CEP57L1: variants seen among roughly 807,000 people sequenced by gnomAD.
CEP57L1 encodes centrosomal protein CEP57L1.
In CEP57L1, 37 loss-of-function variants were observed where a neutral mutation model predicts 61.0. The observed-to-expected ratio is 0.61, with a 90% CI of 0.47 to 0.80. The LOEUF is 0.80. CEP57L1 is among the 30% of genes least tolerant of loss of function. CEP57L1 has a pLI of 0.00. For synonymous variants in CEP57L1, 137 were observed against 162.3 expected (o/e 0.84, Z 1.19); for missense variants, 422 against 524.7 (o/e 0.80, Z 1.91).
rs554374904 is a variant in CEP57L1, at chr6:109,126,802, A to G, written c.-3-18417A>G. Among the ~76,000 whole-genome samples the G allele has an allele frequency of 3.1e-4, 47 of 152,366 alleles. 2 individuals are homozygous for G. In the East Asian group the frequency reaches 8.7e-3, roughly 28 times the overall value. On this transcript the variant is annotated intron_variant, in intron 1 of 10. Transcript: ENST00000517392. Reference sequence around the variant, plus strand: ...GTATTGAGTTGAATTAACTGTGCACATGAACAATTAGATGCTATATTATAA... The same window carrying G: ...GTATTGAGTTGAATTAACTGTGCACGTGAACAATTAGATGCTATATTATAA...
At chr6:109,111,882 TC>T (rs1288258213) in intron 1 of CEP57L1, among the ~76,000 whole-genome samples, 1 of 152,214 alleles carries the variant, frequency 6.6e-6, no homozygotes, top group Non-Finnish European at 1.5e-5. Context: ...GCCAACTTGA[TC>T]GTGGTGGATA....
rs1157487768 is a variant in CEP57L1, at chr6:109,162,795, C to T, written c.1208C>T (p.Ala403Val). The T allele has an allele frequency of 3.1e-6, 5 of 1,613,130 alleles. No individual in the cohort carries two copies. The highest frequency in any genetic ancestry group is 2.2e-5 in the East Asian group (1 of 44,766). The change falls in exon 11 of 11, where the codon GCT becomes GTT. Residue 403 changes from alanine to valine, a missense_variant. Ala to Val is a moderately conservative substitution (Grantham distance 64, BLOSUM62 0). Coordinates refer to ENST00000517392, the MANE Select transcript of CEP57L1 (RefSeq NM_001271852.3). The stretch of plus-strand genomic sequence containing the variant: ...GTTCAAAACTCAAAGATGAGTGAAG[C>T]TTCAGGTATTCAGCAAGAAGACAGC... ...QKVQNSKMSE[A>V]SGIQQEDSYP...
rs139303613 is a variant in CEP57L1, at chr6:109,112,799, T to A, written c.-4+17224T>A. ...AGTTATTCGGGAGCAGGTTATTCAGTTTCCATGTAGTTGTGCAGTTCTGAG... is the reference window on the plus strand; with the variant it reads ...AGTTATTCGGGAGCAGGTTATTCAGATTCCATGTAGTTGTGCAGTTCTGAG... On this transcript the variant is annotated intron_variant, in intron 1 of 10. Coordinates refer to ENST00000517392, the MANE Select transcript of CEP57L1 (RefSeq NM_001271852.3). Among the ~76,000 whole-genome samples, 1,307 of 152,330 alleles carry A rather than the reference T, an allele frequency of 8.6e-3. 23 individuals carry two copies. Among genetic ancestry groups the A allele is most frequent in the African/African-American group, 0.03 (1,239 of 41,574 alleles).
intron 1 of CEP57L1, among the ~76,000 whole-genome samples, chr6:109,115,511 G>A (rs1032461003): frequency 6.6e-6 from 1 of 151,952 alleles, no homozygotes; most frequent in Non-Finnish European, 1.5e-5. Flanking sequence ...TTATTAGTTG[G>A]CCCACCCATT....
chr6:109,150,357 T>TA, intron 4 of CEP57L1, 118 bp downstream of exon 4: 1 of 1,194,470 alleles, frequency 8.4e-7, no homozygotes, highest in South Asian at 1.4e-5. Flanking sequence ...AGGTCTAACT[T>TA]ACGTGTAATT....
rs1774443774 is a variant in CEP57L1, at chr6:109,172,361, G to A, written c.*9391G>A. Among the ~76,000 whole-genome samples the A allele has an allele frequency of 6.6e-6, 1 of 152,220 alleles. No homozygotes were observed. The highest frequency in any genetic ancestry group is 1.5e-5 in the Non-Finnish European group (1 of 68,034). On this transcript the variant is annotated 3_prime_UTR_variant, in exon 11 of 11. Transcript: ENST00000517392. ...ACCTTCAGTTTTCAGCCCCTCCAAA[G>A]ATGGAGCTGATACTACATGGCCTAA...
intron 1 of CEP57L1, among the ~76,000 whole-genome samples, chr6:109,098,374 T>C (rs1187664865): frequency 6.6e-6 from 1 of 152,196 alleles, no homozygotes; most frequent in Non-Finnish European, 1.5e-5. Flanking sequence ...CTTGAATTCC[T>C]AACCTCAAGT....
chr6:109,150,894 T>C (rs140599962), intron 4 of CEP57L1, among the ~76,000 whole-genome samples: 1 of 152,124 alleles, frequency 6.6e-6, no homozygotes, highest in East Asian at 1.9e-4. Context: ...GACTGAGATA[T>C]ATTTGTTACT....
At chr6:109,127,811 G>A (rs1268917832) in intron 1 of CEP57L1, among the ~76,000 whole-genome samples, 3 of 150,386 alleles carry the variant, frequency 2.0e-5, no homozygotes, top group Non-Finnish European at 4.4e-5. Flanking sequence ...TTAATTTTTA[G>A]TAGAGACGAG....
intron 1 of CEP57L1, among the ~76,000 whole-genome samples, chr6:109,134,872 C>T (rs1420705928): frequency 3.9e-5 from 6 of 152,136 alleles, no homozygotes; most frequent in Non-Finnish European, 1.5e-5. Flanking sequence ...TGAAGGACCT[C>T]TTCAAGGAGG....
chr6:109,106,804 A>G (rs1484271216), intron 1 of CEP57L1, among the ~76,000 whole-genome samples: 2 of 152,010 alleles, frequency 1.3e-5, no homozygotes, highest in Non-Finnish European at 2.9e-5. Context: ...GCATGGCATG[A>G]TGGCACACAC....
At chr6:109,114,429 G>A (rs1447671466) in intron 1 of CEP57L1, among the ~76,000 whole-genome samples, 1 of 151,748 alleles carries the variant, frequency 6.6e-6, no homozygotes, top group African/African-American at 2.4e-5. Context: ...TTCATAGTTT[G>A]AGTTTTTTGT....
chr6:109,141,376 T>G (rs1771362030), intron 1 of CEP57L1, among the ~76,000 whole-genome samples: 1 of 151,750 alleles, frequency 6.6e-6, no homozygotes, highest in Non-Finnish European at 1.5e-5. Flanking sequence ...CCACCACGCC[T>G]GGCTAATTTT....
At chr6:109,129,607 T>C (rs1402925853) in intron 1 of CEP57L1, 6 of 441,000 alleles carry the variant, frequency 1.4e-5, no homozygotes, top group Non-Finnish European at 2.7e-5. Flanking sequence ...ACCTACTGCT[T>C]ACAGAGGTGT....
intron 1 of CEP57L1, among the ~76,000 whole-genome samples, chr6:109,135,171 A>G (rs1774698449): frequency 2.0e-5 from 3 of 152,244 alleles, no homozygotes; most frequent in Admixed American, 2.0e-4. Context: ...CTACGCTACA[A>G]GGCTACAGTA....
chr6:109,099,659 C>T (rs1057017989), intron 1 of CEP57L1, among the ~76,000 whole-genome samples: 2 of 152,146 alleles, frequency 1.3e-5, no homozygotes, highest in Non-Finnish European at 2.9e-5. Flanking sequence ...AAGTGATTCT[C>T]CTGCCTCAGC....
intron 1 of CEP57L1, among the ~76,000 whole-genome samples, chr6:109,103,294 T>C (rs1195391447): frequency 2.6e-5 from 4 of 152,230 alleles, no homozygotes; most frequent in African/African-American, 9.6e-5. Flanking sequence ...TTTTGGCTTG[T>C]TGAAAAATGT....
Position 109,162,810 on chromosome 6 carries a change from A to C in CEP57L1, c.1223A>C (p.Gln408Pro). Residue 408 changes from glutamine (Q) to proline (P), a missense_variant, in exon 11 of 11, where the codon CAA (glutamine) becomes CCA (proline). By Grantham distance (76) the Gln-to-Pro change is moderately conservative. Transcript: ENST00000517392. ...SKMSEASGIQQEDSYPKGSKN... is the reference protein window; with the variant it reads ...SKMSEASGIQPEDSYPKGSKN... The stretch of plus-strand genomic sequence containing the variant: ...ATGAGTGAAGCTTCAGGTATTCAGC[A>C]AGAAGACAGCTACCCTAAAGGATCA... The C allele has an allele frequency of 6.2e-7, 1 of 1,613,478 alleles. No homozygotes were observed. The highest frequency in any genetic ancestry group is 8.5e-7 in the Non-Finnish European group (1 of 1,179,596).
chr6:109,151,758 G>C (rs1762448433), intron 4 of CEP57L1, among the ~76,000 whole-genome samples: 1 of 152,058 alleles, frequency 6.6e-6, no homozygotes, highest in African/African-American at 2.4e-5. Flanking sequence ...ATTTGTGAAA[G>C]ATATTTTGGC....
Sources: gnomAD v4.1 joint callset for allele counts (sites outside exome capture counted in the v4.1 genomes callset) on GRCh38, gnomAD v4.1.1 for gene constraint, MANE v1.5 for transcripts, NCBI Gene and HGNC (gene_info 2026-07-23, HGNC 2026-07-21) for gene names.